Variants in MMP2 observed in about 807,000 individuals in gnomAD.
MMP2 encodes the protein matrix metallopeptidase 2, also known as 72 kDa type IV collagenase.
MMP2 carries 39 observed loss-of-function variants against 74.8 expected under a neutral mutation model. The observed-to-expected ratio is 0.52, with a 90% CI of 0.40 to 0.68. The LOEUF is 0.68. Ranked by LOEUF, MMP2 falls within the 30% of genes least tolerant of loss-of-function variation. The pLI, the probability that MMP2 is intolerant of heterozygous loss-of-function variation, is 0.00. For missense variants in MMP2, 803 were observed against 878.3 expected (o/e 0.91, Z 1.08); for synonymous variants, 367 against 339.8 (o/e 1.08, Z -0.88).
At chr16:55,495,389 G>T (rs1410445325) in intron 9 of MMP2, among the ~76,000 whole-genome samples, 1 of 152,174 alleles carries the variant, frequency 6.6e-6, no homozygotes, top group Non-Finnish European at 1.5e-5. Context: ...AACGTGATGA[G>T]TGTTTAATGG....
At chr16:55,499,699 T>C (rs1027256619) in intron 11 of MMP2, among the ~76,000 whole-genome samples, 2 of 152,194 alleles carry the variant, frequency 1.3e-5, no homozygotes, top group Non-Finnish European at 2.9e-5. Context: ...TTAAATAACT[T>C]GTTCAAGCTA....
intron 11 of MMP2, among the ~76,000 whole-genome samples, chr16:55,498,932 C>G (rs1249653563): frequency 6.6e-6 from 1 of 152,076 alleles, no homozygotes; most frequent in Non-Finnish European, 1.5e-5. Flanking sequence ...CTTTGGGAGG[C>G]CAAGATGGGT....
intron 3 of MMP2, among the ~76,000 whole-genome samples, chr16:55,484,724 G>A (rs1962198143): frequency 1.3e-5 from 2 of 152,230 alleles, no homozygotes; most frequent in Non-Finnish European, 2.9e-5. Context: ...AGGTGGCCAT[G>A]TGAGTTTATG....
At chr16:55,491,996 G>GTGTT in intron 8 of MMP2, 40 bp downstream of exon 8, 1 of 1,408,350 alleles carries the variant, frequency 7.1e-7, no homozygotes, top group Non-Finnish European at 9.9e-7. Flanking sequence ...AGGGTGAGGA[G>GTGTT]GGGGGAGGTC....
At chr16:55,483,620 T>C (rs1962164063) in intron 2 of MMP2, among the ~76,000 whole-genome samples, 1 of 152,180 alleles carries the variant, frequency 6.6e-6, no homozygotes, top group Non-Finnish European at 1.5e-5. Context: ...GTGCTCTGTA[T>C]GGGTGGTGCT....
At chr16:55,499,552 G>T (rs1389404965) in intron 11 of MMP2, among the ~76,000 whole-genome samples, 3 of 152,148 alleles carry the variant, frequency 2.0e-5, no homozygotes, top group African/African-American at 4.8e-5. Context: ...TACAGGAAAG[G>T]GTCCAGTTCT....
intron 9 of MMP2, 127 bp downstream of exon 9, chr16:55,493,420 G>A: frequency 7.6e-7 from 1 of 1,310,496 alleles, no homozygotes; most frequent in South Asian, 1.2e-5. Context: ...GAATTAGGCA[G>A]TTTCTGCTGT....
At position 55,497,004 on chromosome 16, in the gene MMP2, G is replaced by A. The variant is rs150310143; in HGVS notation, c.1551G>A (p.Pro517=). 5.1e-5 allele frequency: 82 copies of A among 1,614,172 alleles called. No homozygotes were observed. In the African/African-American group the frequency reaches 6.9e-4, roughly 14 times the overall value. The part of the protein sequence containing the change: ...LLVATFWPEL[P]EKIDAVYEAP... ...TGGCCACATTCTGGCCTGAGCTCCC[G>A]GAAAAGATTGATGCGGTATACGAGG... is the stretch of plus-strand genomic sequence containing the variant. The change falls in exon 10 of 13, where the codon CCG becomes CCA. Residue 517 remains proline, a synonymous_variant. Coordinates refer to ENST00000219070, the MANE Select transcript of MMP2 (RefSeq NM_004530.6).
chr16:55,498,998 C>T (rs1297300558), intron 11 of MMP2, among the ~76,000 whole-genome samples: 2 of 152,022 alleles, frequency 1.3e-5, no homozygotes, highest in Non-Finnish European at 2.9e-5. Flanking sequence ...GAAACCCCAT[C>T]TCTACTAAAA....
intron 8 of MMP2, 35 bp downstream of exon 8, chr16:55,491,991 G>A (rs1362696429): frequency 5.1e-6 from 7 of 1,382,076 alleles, no homozygotes; most frequent in Non-Finnish European, 7.0e-6. Flanking sequence ...GGTGGAGGGT[G>A]AGGAGGGGGG....
At chr16:55,498,213 C>T in intron 10 of MMP2, 76 bp from the exon 11 acceptor site, 1 of 1,586,754 alleles carries the variant, frequency 6.3e-7, no homozygotes, top group Non-Finnish European at 8.6e-7. Context: ...GGCCCGTGGA[C>T]AGACAGATGA....
chr16:55,490,352 C>A (rs1485297876), intron 7 of MMP2, among the ~76,000 whole-genome samples: 1 of 152,198 alleles, frequency 6.6e-6, no homozygotes, highest in Non-Finnish European at 1.5e-5. Flanking sequence ...GCCCTCTCTC[C>A]CCCATCAGTC....
intron 7 of MMP2, among the ~76,000 whole-genome samples, chr16:55,491,331 T>C (rs1157735938): frequency 6.6e-6 from 1 of 151,888 alleles, no homozygotes; most frequent in Non-Finnish European, 1.5e-5. Context: ...GTGTGAAAGG[T>C]TTTTACTGCT....
At chr16:55,483,219 G>T (rs1962154297) in intron 2 of MMP2, 84 bp downstream of exon 2, 5 of 1,040,838 alleles carry the variant, frequency 4.8e-6, no homozygotes, top group Non-Finnish European at 7.2e-6. Flanking sequence ...TCCACTCAGG[G>T]GATCCATGAG....
chr16:55,488,862 C>T, intron 6 of MMP2, 146 bp downstream of exon 6: 1 of 843,892 alleles, frequency 1.2e-6, no homozygotes, highest in Non-Finnish European at 1.9e-6. Context: ...ACCAAGATGT[C>T]CGTGTAGCTA....
At chr16:55,485,196 C>A in intron 3 of MMP2, 103 bp from the exon 4 acceptor site, 2 of 1,533,344 alleles carry the variant, frequency 1.3e-6, no homozygotes, top group South Asian at 1.1e-5. Flanking sequence ...GGGAAGGGGA[C>A]AGATGCTGGG....
chr16:55,500,491 G>GCACACACACACACACACACA (rs1390341238), intron 11 of MMP2, among the ~76,000 whole-genome samples: 1 of 49,298 alleles, frequency 2.0e-5, no homozygotes, highest in African/African-American at 8.1e-5. Flanking sequence ...GCGCATGTGC[G>GCACACACACACACACACACA]CATACACACA....
chr16:55,493,280 T>C lies in MMP2; in HGVS notation c.1459T>C (p.Phe487Leu). Reference sequence around the variant, plus strand: ...CGCTCAGATCCGTGGTGAGATCTTCTTCTTCAAGGACCGGTGAGTGCAGGA... The same window carrying C: ...CGCTCAGATCCGTGGTGAGATCTTCCTCTTCAAGGACCGGTGAGTGCAGGA... ...GIAQIRGEIFFFKDRFIWRTV... is the reference protein window; with the variant it reads ...GIAQIRGEIFLFKDRFIWRTV... The change falls in exon 9 of 13, where the codon TTC becomes CTC. Residue 487 changes from phenylalanine to leucine, a missense_variant. Coordinates refer to ENST00000219070, the MANE Select transcript of MMP2 (RefSeq NM_004530.6). The C allele has an allele frequency of 6.2e-7, 1 of 1,614,198 alleles. No homozygotes were observed. The highest frequency in any genetic ancestry group is 2.2e-5 in the East Asian group (1 of 44,870).
rs544893627 is a variant in MMP2, at chr16:55,485,882, G to C, written c.832+105G>C. On this transcript the variant is annotated intron_variant, in intron 5 of 12. Transcript: ENST00000219070. ...ACACTCTCCAGGACTGGCTGCCACTGCCAGTTAATGAGCATCCCTCCAACG... is the reference window on the plus strand; with the variant it reads ...ACACTCTCCAGGACTGGCTGCCACTCCCAGTTAATGAGCATCCCTCCAACG... The C allele has an allele frequency of 3.3e-4, 394 of 1,204,170 alleles. 1 individual carries two copies. The highest frequency in any genetic ancestry group is 4.7e-4 in the Admixed American group (27 of 58,014). 74.6% of individuals were successfully genotyped at this position (1,204,170 alleles called of 1,614,324 possible).
Sources: gnomAD v4.1 joint callset for allele counts (sites outside exome capture counted in the v4.1 genomes callset) on GRCh38, gnomAD v4.1.1 for gene constraint, MANE v1.5 for transcripts, NCBI Gene and HGNC (gene_info 2026-07-23, HGNC 2026-07-21) for gene names.